Variants in ACBD6 observed in about 807,000 individuals in gnomAD.
The protein encoded by ACBD6 is acyl-CoA-binding domain-containing protein 6.
A neutral mutation model predicts 37.2 loss-of-function variants in ACBD6; 28 were observed. The observed-to-expected ratio is 0.75, with a 90% CI of 0.56 to 1.03. ACBD6 has a LOEUF of 1.03. ACBD6 is among the 50% of genes least tolerant of loss of function. The probability of loss-of-function intolerance (pLI) is 0.00; values close to 1 mark genes in which losing one functional copy is unlikely to be tolerated. For missense variants in ACBD6, 340 were observed against 337.4 expected (o/e 1.01, Z -0.06); for synonymous variants, 113 against 126.8 (o/e 0.89, Z 0.73).
At chr1:180,276,507 T>C (rs113823524) in intron 9 of ACBD6, 185 of 152,340 alleles carry the variant, frequency 1.2e-3, no homozygotes, top group African/African-American at 4.1e-3. Context: ...TCCATGTTTA[T>C]GGATGATGTT....
intron 3 of ACBD6, among the ~76,000 whole-genome samples, chr1:180,449,222 G>A (rs1649598696): frequency 6.6e-6 from 1 of 152,102 alleles, no homozygotes; most frequent in Non-Finnish European, 1.5e-5. Flanking sequence ...ACCAAAGTAT[G>A]AATACTATTT....
intron 6 of ACBD6, among the ~76,000 whole-genome samples, chr1:180,389,412 T>G (rs9729819): frequency 0.66 from 100,325 of 151,998 alleles, 33,191 homozygotes; most frequent in South Asian, 0.76. Context: ...TGTTGGACAT[T>G]TGGGTTGGTT....
rs537953576 is a variant in ACBD6, at chr1:180,337,618, A to G, written c.664-22896T>C. On this transcript the variant is annotated intron_variant, in intron 6 of 7. Coordinates refer to ENST00000367595, the MANE Select transcript of ACBD6 (RefSeq NM_032360.4). Reference sequence around the variant, plus strand: ...CAAGACAGGGATGCCCTCTCTCACCACTCCTATTCAACATAGTGTTGGAAG... The same window carrying G: ...CAAGACAGGGATGCCCTCTCTCACCGCTCCTATTCAACATAGTGTTGGAAG... Among the ~76,000 whole-genome samples the G allele has an allele frequency of 5.3e-5, 8 of 152,098 alleles. No homozygotes were observed. The East Asian group carries it at 1.2e-3, about 22-fold the overall frequency.
At chr1:180,314,057 T>C (rs942319732) in intron 7 of ACBD6, among the ~76,000 whole-genome samples, 2 of 152,158 alleles carry the variant, frequency 1.3e-5, no homozygotes, top group African/African-American at 4.8e-5. Context: ...ATATTTCTTG[T>C]AGGAGAGATG....
chr1:180,386,169 CA>C (rs1354953271), intron 6 of ACBD6, among the ~76,000 whole-genome samples: 1 of 152,014 alleles, frequency 6.6e-6, no homozygotes, highest in Non-Finnish European at 1.5e-5. Flanking sequence ...GACACTGTCT[CA>C]AAAAACAAAC....
At chr1:180,404,352 G>A in intron 5 of ACBD6, among the ~76,000 whole-genome samples, 1 of 152,026 alleles carries the variant, frequency 6.6e-6, no homozygotes, top group East Asian at 1.9e-4. Flanking sequence ...CACGAGACGG[G>A]ATCTCACTAT....
intron 5 of ACBD6, among the ~76,000 whole-genome samples, chr1:180,401,258 G>A (rs1298803416): frequency 6.6e-6 from 1 of 152,044 alleles, no homozygotes; most frequent in African/African-American, 2.4e-5. Flanking sequence ...ATTAACCAAG[G>A]GTGCTAACAC....
At chr1:180,418,550 G>A (rs1648197398) in intron 4 of ACBD6, among the ~76,000 whole-genome samples, 1 of 151,790 alleles carries the variant, frequency 6.6e-6, no homozygotes. Flanking sequence ...CTCCAGCCTA[G>A]GCAACAGAGA....
chr1:180,326,685 G>C (rs1651269578), intron 6 of ACBD6: 1 of 152,242 alleles, frequency 6.6e-6, no homozygotes, highest in Non-Finnish European at 1.5e-5. Flanking sequence ...GCACATCTCA[G>C]AGTATCACCC....
chr1:180,438,892 C>A (rs1272639943), intron 3 of ACBD6, among the ~76,000 whole-genome samples: 1 of 152,156 alleles, frequency 6.6e-6, no homozygotes, highest in Non-Finnish European at 1.5e-5. Flanking sequence ...CCCTAAAAAT[C>A]CCGTACTCTA....
At chr1:180,467,349 T>C (rs1006860682) in intron 3 of ACBD6, among the ~76,000 whole-genome samples, 2 of 148,000 alleles carry the variant, frequency 1.4e-5, no homozygotes, top group Non-Finnish European at 1.5e-5. Context: ...TGGTAGCTCA[T>C]GCCTGTAATC....
intron 7 of ACBD6, among the ~76,000 whole-genome samples, chr1:180,293,259 T>TCC (rs1220987007): frequency 6.6e-6 from 1 of 151,482 alleles, no homozygotes; most frequent in Non-Finnish European, 1.5e-5. Context: ...CAGTGCTCCC[T>TCC]CCCCTTCTAT....
At chr1:180,337,669 A>G (rs1253444983) in intron 6 of ACBD6, among the ~76,000 whole-genome samples, 5 of 151,984 alleles carry the variant, frequency 3.3e-5, no homozygotes, top group African/African-American at 1.2e-4. Flanking sequence ...TCAGGCAGGA[A>G]AAGGAAATAA....
At chr1:180,291,273 G>A (rs1230600884) in intron 7 of ACBD6, among the ~76,000 whole-genome samples, 1 of 152,142 alleles carries the variant, frequency 6.6e-6, no homozygotes, top group Non-Finnish European at 1.5e-5. Flanking sequence ...GAGTCATATG[G>A]CAAGTGAATG....
chr1:180,451,375 A>C (rs982764522), intron 3 of ACBD6, among the ~76,000 whole-genome samples: 1 of 152,248 alleles, frequency 6.6e-6, no homozygotes, highest in Non-Finnish European at 1.5e-5. Flanking sequence ...CCACTCCTGG[A>C]TATATATCCA....
At chr1:180,274,640 A>G in intron 10 of ACBD6, 1 of 1,482,000 alleles carries the variant, frequency 6.7e-7, no homozygotes, top group Non-Finnish European at 9.0e-7. Context: ...CAAGGATCAA[A>G]AGAGACTTGC....
chr1:180,282,302 G>A lies in ACBD6; in HGVS notation c.*94-916C>T, dbSNP rs1158742598. On this transcript the variant is annotated intron_variant, in intron 8 of 13. Transcript: ENST00000642319. ...ATCTCCTGTTGGCTGGGAGGGGTTG[G>A]GGATTTGGGAAAGGCTGGGAATTGC... Among the ~76,000 whole-genome samples the A allele has an allele frequency of 2.6e-5, 4 of 152,072 alleles. No individual in the cohort carries two copies. The East Asian group carries it at 7.7e-4, about 29-fold the overall frequency.
At chr1:180,417,424 AAGAC>A (rs1236317796) in intron 4 of ACBD6, among the ~76,000 whole-genome samples, 2 of 152,214 alleles carry the variant, frequency 1.3e-5, no homozygotes, top group East Asian at 1.9e-4. Flanking sequence ...TCTCTGGAGA[AAGAC>A]AGTTCATTCA....
intron 6 of ACBD6, among the ~76,000 whole-genome samples, chr1:180,359,270 C>A (rs982032379): frequency 6.6e-6 from 1 of 152,032 alleles, no homozygotes. Context: ...TGAAAGCTAG[C>A]CACAAATTCA....
Sources: allele counts gnomAD v4.1 joint callset (sites outside exome capture counted in the v4.1 genomes callset), GRCh38; gene constraint gnomAD v4.1.1; transcripts MANE v1.5; gene names NCBI Gene and HGNC (gene_info 2026-07-23, HGNC 2026-07-21).